SLC7A1: variants seen among roughly 807,000 people sequenced by gnomAD.
SLC7A1 encodes high affinity cationic amino acid transporter 1.
SLC7A1 carries 10 observed loss-of-function variants against 53.9 expected under a neutral mutation model. The observed-to-expected ratio is 0.19, with a 90% CI of 0.11 to 0.31. The LOEUF is 0.31. SLC7A1 is among the 10% of genes least tolerant of loss of function. The pLI is 1.00. For missense variants in SLC7A1, 525 were observed against 827.2 expected, an observed-to-expected ratio of 0.63 and a Z score of 4.48; for synonymous variants, 342 against 338.7, an observed-to-expected ratio of 1.01 and a Z score of -0.11.
intron 2 of SLC7A1, among the ~76,000 whole-genome samples, chr13:29,548,432 G>A (rs967171987): frequency 2.6e-5 from 4 of 152,250 alleles, no homozygotes; most frequent in African/African-American, 7.2e-5. Context: ...GTAACCGGGC[G>A]AGGCTGGCAC....
chr13:29,534,666 G>C (rs1396097362), intron 3 of SLC7A1, among the ~76,000 whole-genome samples: 4 of 152,162 alleles, frequency 2.6e-5, no homozygotes, highest in African/African-American at 9.7e-5. Context: ...CCAGGGCTGC[G>C]AGGATCCCAG....
At chr13:29,579,363 A>ATTTT (rs34087661) in intron 1 of SLC7A1, among the ~76,000 whole-genome samples, 1 of 144,024 alleles carries the variant, frequency 6.9e-6, no homozygotes, top group Non-Finnish European at 1.5e-5. Context: ...TCCACTAGCA[A>ATTTT]TTTTTTTTTT....
In SLC7A1 at chr13:29,513,498, A is replaced by G. The variant is rs1006284406; in HGVS notation, c.*982T>C. The G allele has an allele frequency of 1.6e-4, 24 of 152,688 alleles. No homozygotes were observed. The highest frequency in any genetic ancestry group is 1.3e-3 in the Admixed American group (20 of 15,278). The allele number at this position is 152,688 out of a possible 1,614,324, so 9.5% of individuals were successfully genotyped here. On this transcript the variant is annotated 3_prime_UTR_variant, in exon 13 of 13. Transcript: ENST00000380752. ...TGACCCCGACATGTCCTGACCCCAG[A>G]CTGAGCTGCCACCAGCCTTGAGAAC...
intron 1 of SLC7A1, among the ~76,000 whole-genome samples, chr13:29,564,565 A>G (rs1334663840): frequency 6.6e-6 from 1 of 152,224 alleles, no homozygotes; most frequent in Non-Finnish European, 1.5e-5. Flanking sequence ...TAGCTCCCCT[A>G]GGGCAAGAGC....
intron 2 of SLC7A1, among the ~76,000 whole-genome samples, chr13:29,546,813 A>G (rs2139125082): frequency 6.6e-6 from 1 of 152,344 alleles, no homozygotes; most frequent in South Asian, 2.1e-4. Context: ...AAATGACCTG[A>G]AGAACAGCCT....
At chr13:29,523,193 C>A in intron 7 of SLC7A1, 73 bp downstream of exon 7, 1 of 1,241,480 alleles carries the variant, frequency 8.1e-7, no homozygotes, top group Non-Finnish European at 1.2e-6. Context: ...CATGGCTGTA[C>A]CTGGCCTGCT....
Position 29,514,469 on chromosome 13 carries a change from G to A in SLC7A1, c.*11C>T, listed in dbSNP as rs370542726. The A allele has an allele frequency of 1.1e-4, 173 of 1,600,938 alleles. 1 individual carries two copies. The highest frequency in any genetic ancestry group is 6.2e-4 in the South Asian group (56 of 90,904). ...GGGGCTGCTGCCACCTCCGGGGGGC[G>A]GGGCTGTGCGTCACTTGCACTGGTC... is the stretch of plus-strand genomic sequence containing the variant. On this transcript the variant is annotated 3_prime_UTR_variant, in exon 13 of 13. Transcript: ENST00000380752.
At chr13:29,544,857 C>G (rs1869837442) in intron 2 of SLC7A1, among the ~76,000 whole-genome samples, 1 of 63,312 alleles carries the variant, frequency 1.6e-5, no homozygotes, top group African/African-American at 4.7e-5. Context: ...TGACATCGCA[C>G]CTGCCTCATC....
intron 2 of SLC7A1, among the ~76,000 whole-genome samples, chr13:29,543,428 C>T (rs1267971402): frequency 6.6e-6 from 1 of 150,468 alleles, no homozygotes; most frequent in Non-Finnish European, 1.5e-5. Context: ...GGTTTCAGTC[C>T]TTCAGGCCTC....
At chr13:29,574,643 CTTTT>C (rs60597221) in intron 1 of SLC7A1, among the ~76,000 whole-genome samples, 2 of 121,916 alleles carry the variant, frequency 1.6e-5, no homozygotes, top group African/African-American at 6.3e-5. Context: ...GCAGCTAATG[CTTTT>C]TTTTTTTTTT....
intron 2 of SLC7A1, among the ~76,000 whole-genome samples, chr13:29,536,416 C>G (rs1593551208): frequency 6.6e-6 from 1 of 152,218 alleles, no homozygotes; most frequent in Non-Finnish European, 1.5e-5. Flanking sequence ...AGCAGGCCAA[C>G]AGATACAGAT....
At chr13:29,554,810 A>C (rs1380268420) in intron 1 of SLC7A1, among the ~76,000 whole-genome samples, 1 of 152,186 alleles carries the variant, frequency 6.6e-6, no homozygotes, top group African/African-American at 2.4e-5. Context: ...TCCCACCTAC[A>C]TCGTCTTTCA....
rs1869396883 is a variant in SLC7A1 at position 29,535,968 on chromosome 13, G to A, written c.221C>T (p.Ala74Val). The A allele has an allele frequency of 1.2e-6, 2 of 1,614,166 alleles. No individual in the cohort carries two copies. The highest frequency in any genetic ancestry group is 1.7e-6 in the Non-Finnish European group (2 of 1,180,038). ...CAGGCCAGCCAGCACTGAGGCCAGCGCAGCGATCAGGAAGGAGATGACAAT... is the reference window on the plus strand; with the variant it reads ...CAGGCCAGCCAGCACTGAGGCCAGCACAGCGATCAGGAAGGAGATGACAAT... ...PAIVISFLIA[A>V]LASVLAGLCY... Residue 74 changes from alanine to valine, a missense_variant, in exon 3 of 13, where the codon GCG becomes GTG. By Grantham distance (64) the Ala-to-Val change is moderately conservative. This residue lies in a region of SLC7A1 where 354 missense variants were observed against 587.5 expected (regional missense o/e 0.60). Coordinates refer to ENST00000380752, the MANE Select transcript of SLC7A1 (RefSeq NM_003045.5).
chr13:29,584,417 G>C (rs1345294852), intron 1 of SLC7A1, among the ~76,000 whole-genome samples: 1 of 152,130 alleles, frequency 6.6e-6, no homozygotes, highest in Non-Finnish European at 1.5e-5. Flanking sequence ...AAAGTGCTGG[G>C]ATTACAGGTA....
At position 29,532,851 on chromosome 13, in the gene SLC7A1, C is replaced by A. The variant is rs761070275; in HGVS notation, c.502G>T (p.Ala168Ser). Residue 168 changes from alanine to serine, a missense_variant, in exon 4 of 13, where the codon GCA becomes TCA. Physicochemically the swap from Ala to Ser is moderately conservative, Grantham distance 99. This residue lies in a region of SLC7A1 where 354 missense variants were observed against 587.5 expected (regional missense o/e 0.60). Transcript: ENST00000380752. Reference protein sequence around the residue: ...GVLAENPDIFAVIIILILTGL... With the variant: ...GVLAENPDIFSVIIILILTGL... ...GTCAAGATGAGAATTATGATCACTG[C>A]GAATATGTCGGGGTTTTCAGCCAGC... 5 of 1,613,616 alleles carry A rather than the reference C, an allele frequency of 3.1e-6. No individual in the cohort carries two copies. The highest frequency in any genetic ancestry group is 2.2e-5 in the South Asian group (2 of 90,942).
intron 11 of SLC7A1, chr13:29,516,906 G>A (rs1883574111): frequency 2.3e-6 from 1 of 436,610 alleles, no homozygotes; most frequent in South Asian, 6.3e-5. Flanking sequence ...CATGCAGGAA[G>A]GTGTCAGCCT....
At chr13:29,517,462 G>A (rs1868404807) in intron 10 of SLC7A1, 111 bp downstream of exon 10, 1 of 1,219,836 alleles carries the variant, frequency 8.2e-7, no homozygotes, top group Non-Finnish European at 1.2e-6. Flanking sequence ...TCCCAGTCCA[G>A]GAGCAAGACA....
chr13:29,517,842 G>T, intron 9 of SLC7A1, 52 bp from the exon 10 acceptor site: 3 of 1,440,218 alleles, frequency 2.1e-6, no homozygotes, highest in Non-Finnish European at 2.9e-6. Flanking sequence ...GCAAAATGAC[G>T]TGCACCAACT....
intron 1 of SLC7A1, among the ~76,000 whole-genome samples, chr13:29,581,214 C>T (rs969273436): frequency 2.2e-4 from 33 of 152,306 alleles, no homozygotes; most frequent in African/African-American, 7.5e-4. Flanking sequence ...CCCACCCTCG[C>T]TTCTCTCCCT....
Sources: gnomAD v4.1 joint callset for allele counts (sites outside exome capture counted in the v4.1 genomes callset) on GRCh38, gnomAD v4.1.1 for gene constraint, gnomAD v4.1.1 regional missense constraint, MANE v1.5 for transcripts, NCBI Gene and HGNC (gene_info 2026-07-23, HGNC 2026-07-21) for gene names.